The following ITGAL variants were observed in gnomAD, a reference collection of about 807,000 sequenced individuals.
The protein encoded by ITGAL is integrin subunit alpha L.
Under a neutral mutation model 138.4 loss-of-function variants are expected in ITGAL, and 68 were observed. The ratio of observed to expected loss-of-function variants is 0.49; its 90% confidence interval spans 0.40 to 0.60. ITGAL has a LOEUF of 0.60. ITGAL is among the 20% of genes least tolerant of loss of function. ITGAL has a pLI of 0.00. For synonymous variants in ITGAL, 561 were observed against 584.3 expected (o/e 0.96, Z 0.57); for missense variants, 1,256 against 1,478.6 (o/e 0.85, Z 2.47).
chr16:30,503,436 ATTTTCTTTTTTTTT>A (rs1315431393), intron 17 of ITGAL, among the ~76,000 whole-genome samples: 2 of 109,816 alleles, frequency 1.8e-5, no homozygotes, highest in Non-Finnish European at 3.5e-5. Context: ...TTTAGTTTTC[ATTTTCTTTTTTTTT>A]TTTTCTTTTC....
At chr16:30,513,692 T>C in intron 24 of ITGAL, 79 bp from the exon 25 acceptor site, 1 of 1,026,684 alleles carries the variant, frequency 9.7e-7, no homozygotes, top group South Asian at 1.3e-5. Flanking sequence ...CCTAGCACAG[T>C]GGCTGGGCGC....
chr16:30,502,212 A>G (rs934143065), intron 17 of ITGAL, among the ~76,000 whole-genome samples: 3 of 151,532 alleles, frequency 2.0e-5, no homozygotes, highest in African/African-American at 7.3e-5. Flanking sequence ...CCTGGCTAAC[A>G]CGGTGAAACC....
At chr16:30,518,190 A>G (rs1328123629) in intron 28 of ITGAL, among the ~76,000 whole-genome samples, 1 of 152,108 alleles carries the variant, frequency 6.6e-6, no homozygotes, top group African/African-American at 2.4e-5. Flanking sequence ...GCTCAAGCCT[A>G]TAATCCTAGC....
At chr16:30,496,053 A>C in intron 13 of ITGAL, 44 bp from the exon 14 acceptor site, 1 of 1,466,736 alleles carries the variant, frequency 6.8e-7, no homozygotes, top group African/African-American at 1.4e-5. Context: ...CTGTGACAGC[A>C]TGCTGAGTGA....
At chr16:30,483,370 G>A (rs1010672603) in intron 7 of ITGAL, among the ~76,000 whole-genome samples, 2 of 152,328 alleles carry the variant, frequency 1.3e-5, no homozygotes, top group Admixed American at 1.3e-4. Context: ...GAGATCCGGA[G>A]GCAGCCTGTG....
At chr16:30,481,352 A>T in intron 6 of ITGAL, 87 bp from the exon 7 acceptor site, 3 of 968,314 alleles carry the variant, frequency 3.1e-6, no homozygotes, top group Non-Finnish European at 4.3e-6. Context: ...ATCTAAAAAA[A>T]AAAAAAAAAA....
At position 30,494,418 on chromosome 16, in the gene ITGAL, A is replaced by T; in HGVS notation, c.1365+55A>T. On this transcript the variant is annotated intron_variant, in intron 12 of 30. Coordinates refer to ENST00000356798, the MANE Select transcript of ITGAL (RefSeq NM_002209.3). This position sits in a 1 kb window ranked among gnomAD's most constrained non-coding sequence, Gnocchi z 4.2. Reference sequence around the variant, plus strand: ...CAGGGACTGGCGGGACACACATCACACTCCCTTCTGTCCTTTGAATGCTCA... The same window carrying T: ...CAGGGACTGGCGGGACACACATCACTCTCCCTTCTGTCCTTTGAATGCTCA... 1 of 1,524,860 alleles carries T rather than the reference A, an allele frequency of 6.6e-7. No individual in the cohort carries two copies. Among genetic ancestry groups the T allele is most frequent in the South Asian group, 1.2e-5 (1 of 81,760 alleles). The allele number at this position is 1,524,860 out of a possible 1,614,324, so 94.5% of individuals were successfully genotyped here.
In ITGAL at chr16:30,505,400, G is replaced by A. The variant is rs1420842930; in HGVS notation, c.2304G>A (p.Glu768=). 3 of 1,613,966 alleles carry A rather than the reference G, an allele frequency of 1.9e-6. No individual in the cohort carries two copies. Among genetic ancestry groups the A allele is most frequent in the Middle Eastern group, 3.3e-4 (2 of 6,060 alleles). Residue 768 remains glutamate, a synonymous_variant, in exon 20 of 31, where the codon GAG becomes GAA. Transcript: ENST00000356798. ...LHSETWEIPF[E]KNCGEDKKCE... ...TCTTGGTGTTTCAGATCCCTTTTGA[G>A]AAGAACTGTGGGGAGGACAAGAAGT...
chr16:30,472,853 A>T lies in ITGAL; in HGVS notation c.16A>T (p.Ile6Phe), dbSNP rs777371433. The change falls in exon 1 of 31, where the codon ATC (isoleucine) becomes TTC (phenylalanine). Residue 6 changes from isoleucine (I) to phenylalanine (F), a missense_variant. Ile to Phe is a conservative substitution (Grantham distance 21). This residue lies in a region of ITGAL where 212 missense variants were observed against 217.4 expected (regional missense o/e 0.98). Transcript: ENST00000356798. Reference sequence around the variant, plus strand: ...TGCTGGAAGGATGAAGGATTCCTGCATCACTGTGATGGCCATGGCGCTGCT... The same window carrying T: ...TGCTGGAAGGATGAAGGATTCCTGCTTCACTGTGATGGCCATGGCGCTGCT... MKDSC[I>F]TVMAMALLSG... 2.0e-5 allele frequency: 33 copies of T among 1,612,844 alleles called. No individual in the cohort carries two copies. Among genetic ancestry groups the T allele is most frequent in the Non-Finnish European group, 2.5e-5 (30 of 1,179,818 alleles).
At chr16:30,501,607 A>G (rs2050899682) in intron 17 of ITGAL, among the ~76,000 whole-genome samples, 1 of 151,810 alleles carries the variant, frequency 6.6e-6, no homozygotes, top group South Asian at 2.1e-4. Context: ...AAAATATTTA[A>G]TTTTTACAGA....
intron 5 of ITGAL, 50 bp downstream of exon 5, chr16:30,479,258 C>T (rs376537343): frequency 6.2e-7 from 1 of 1,613,142 alleles, no homozygotes; most frequent in African/African-American, 1.3e-5. Context: ...ATGGCTGTCC[C>T]TAGAGAGAAC....
intron 4 of ITGAL, among the ~76,000 whole-genome samples, chr16:30,476,864 C>T (rs927504626): frequency 6.6e-6 from 1 of 152,068 alleles, no homozygotes; most frequent in Non-Finnish European, 1.5e-5. Context: ...GTACTCCTGA[C>T]CTGAGGTGAT....
chr16:30,497,169 C>G (rs1044608322), intron 15 of ITGAL, among the ~76,000 whole-genome samples: 8 of 151,908 alleles, frequency 5.3e-5, no homozygotes, highest in Non-Finnish European at 8.8e-5. Context: ...ACGGTGAAAC[C>G]CTGTCTCTAC....
chr16:30,475,412 G>C lies in ITGAL; in HGVS notation c.259+12G>C. On this transcript the variant is annotated intron_variant, in intron 3 of 30. Transcript: ENST00000356798. ...AGTCACCCTGAGAGGTGAGTAACTG[G>C]GGGGTGAGCTGGGAGGAATGGGATC... 6.2e-7 allele frequency: 1 copy of C among 1,609,906 alleles called. No individual in the cohort carries two copies. The highest frequency in any genetic ancestry group is 2.2e-5 in the East Asian group (1 of 44,860).
At chr16:30,478,554 C>T (rs1193216992) in intron 4 of ITGAL, among the ~76,000 whole-genome samples, 3 of 151,398 alleles carry the variant, frequency 2.0e-5, no homozygotes, top group African/African-American at 4.8e-5. Context: ...AAAAATTAGC[C>T]GGGTGTAGTG....
intron 9 of ITGAL, among the ~76,000 whole-genome samples, chr16:30,487,443 C>T (rs895776727): frequency 2.0e-5 from 3 of 152,050 alleles, no homozygotes; most frequent in African/African-American, 7.2e-5. Context: ...GACAGTCTTG[C>T]TCTGTCACCA....
chr16:30,499,259 G>A, intron 16 of ITGAL, 25 bp downstream of exon 16: 3 of 1,613,096 alleles, frequency 1.9e-6, no homozygotes, highest in Non-Finnish European at 2.5e-6. Flanking sequence ...CCTGCTCCCA[G>A]GGCAGCTGCC....
chr16:30,499,340 C>T lies in ITGAL; in HGVS notation c.1996C>T (p.Arg666Cys), dbSNP rs774329079. 1.9e-5 allele frequency: 31 copies of T among 1,614,114 alleles called. No homozygotes were observed. Among genetic ancestry groups the T allele is most frequent in the South Asian group, 3.3e-5 (3 of 91,076 alleles). ...CTTGCCTTTTCCGCCCTGCCCAGGCCGCCTGGTTGCCAATCTCACTTACAC... is the reference window on the plus strand; with the variant it reads ...CTTGCCTTTTCCGCCCTGCCCAGGCTGCCTGGTTGCCAATCTCACTTACAC... ...IKSLIPQFQG[R>C]LVANLTYTLQ... Residue 666 changes from arginine (R) to cysteine (C), a missense_variant and splice_region_variant, in exon 17 of 31, where the codon CGC becomes TGC. This residue lies in a region of ITGAL where 867 missense variants were observed against 972.5 expected (regional missense o/e 0.89). Coordinates refer to ENST00000356798, the MANE Select transcript of ITGAL (RefSeq NM_002209.3).
intron 15 of ITGAL, 147 bp downstream of exon 15, chr16:30,496,713 C>A: frequency 1.5e-6 from 1 of 673,412 alleles, no homozygotes; most frequent in Non-Finnish European, 2.2e-6. Flanking sequence ...ATGATCATAA[C>A]TCACTGCAGC....
Sources: gnomAD v4.1 joint callset for allele counts (sites outside exome capture counted in the v4.1 genomes callset) on GRCh38, gnomAD v4.1.1 for gene constraint, gnomAD v4.1.1 regional missense constraint, Gnocchi (gnomAD v3.1) non-coding constraint, MANE v1.5 for transcripts, NCBI Gene and HGNC (gene_info 2026-07-23, HGNC 2026-07-21) for gene names.